ARHGAP18: variants seen among roughly 807,000 people sequenced by gnomAD.
The protein encoded by ARHGAP18 is Rho GTPase activating protein 18.
Under a neutral mutation model 86.2 loss-of-function variants are expected in ARHGAP18, and 67 were observed. The observed-to-expected ratio is 0.78, with a 90% CI of 0.64 to 0.95. ARHGAP18 has a LOEUF of 0.95. Ranked by LOEUF, ARHGAP18 falls within the 40% of genes least tolerant of loss-of-function variation. The pLI is 0.00. For missense variants in ARHGAP18, 691 were observed against 780.4 expected (o/e 0.89, Z 1.37); for synonymous variants, 283 against 280.4 (o/e 1.01, Z -0.09).
intron 1 of ARHGAP18, among the ~76,000 whole-genome samples, chr6:129,690,415 C>T (rs1446741158): frequency 6.6e-6 from 1 of 152,108 alleles, no homozygotes; most frequent in African/African-American, 2.4e-5. Flanking sequence ...TTATTACATA[C>T]AACATATAAC....
In ARHGAP18 at chr6:129,668,568, T is replaced by C. The variant is rs186053012; in HGVS notation, c.114-26550A>G. Among the ~76,000 whole-genome samples the C allele has an allele frequency of 3.6e-3, 541 of 152,280 alleles. 4 individuals are homozygous for C. Among genetic ancestry groups the C allele is most frequent in the African/African-American group, 0.012 (509 of 41,542 alleles). On this transcript the variant is annotated intron_variant, in intron 1 of 14. Coordinates refer to ENST00000368149, the MANE Select transcript of ARHGAP18 (RefSeq NM_033515.3). ...CTCTATGAGCTCTGCCCAGCTTTTC[T>C]CCATTCCTCGTCGGGTTCCTCTCCC... is the stretch of plus-strand genomic sequence containing the variant.
intron 1 of ARHGAP18, among the ~76,000 whole-genome samples, chr6:129,661,256 C>G (rs9492355): frequency 0.051 from 7,045 of 137,486 alleles, 586 homozygotes; most frequent in African/African-American, 0.18. Flanking sequence ...GGGAAGCTGA[C>G]GCAGGAAGAT....
chr6:129,588,271 C>G (rs1210955002), intron 12 of ARHGAP18, among the ~76,000 whole-genome samples: 2 of 152,098 alleles, frequency 1.3e-5, no homozygotes, highest in African/African-American at 4.8e-5. Context: ...GTGTGTGCCA[C>G]CATGCCCAGT....
intron 5 of ARHGAP18, among the ~76,000 whole-genome samples, chr6:129,624,358 G>A (rs1256984566): frequency 4.0e-5 from 6 of 151,394 alleles, no homozygotes; most frequent in African/African-American, 1.2e-4. Flanking sequence ...GTGAAGCCCC[G>A]TCTCTACTAA....
Position 129,638,483 on chromosome 6 carries a change from C to T in ARHGAP18, c.463G>A (p.Val155Ile). ...TTTTTTTTCCTCAAGGTCTGGGAGACCGTCTCTACTCGCTTCTGAACTGCT... is the reference window on the plus strand; with the variant it reads ...TTTTTTTTCCTCAAGGTCTGGGAGATCGTCTCTACTCGCTTCTGAACTGCT... ...AAAVQKRVET[V>I]SQTLRKKNKQ... The change falls in exon 3 of 15, where the codon GTC becomes ATC. Residue 155 changes from valine to isoleucine, a missense_variant. Coordinates refer to ENST00000368149, the MANE Select transcript of ARHGAP18 (RefSeq NM_033515.3). The T allele has an allele frequency of 6.2e-7, 1 of 1,614,028 alleles. No individual in the cohort carries two copies. The highest frequency in any genetic ancestry group is 2.2e-5 in the East Asian group (1 of 44,874).
At chr6:129,653,039 A>G (rs966439958) in intron 1 of ARHGAP18, among the ~76,000 whole-genome samples, 2 of 152,238 alleles carry the variant, frequency 1.3e-5, no homozygotes, top group Non-Finnish European at 2.9e-5. Context: ...CGAAAGCTAC[A>G]TACACACCAT....
chr6:129,653,213 T>A (rs190087672), intron 1 of ARHGAP18, among the ~76,000 whole-genome samples: 22 of 152,164 alleles, frequency 1.4e-4, no homozygotes, highest in African/African-American at 5.3e-4. Context: ...AAACACTGGA[T>A]GAAAATATTA....
chr6:129,662,858 T>G (rs1045069371), intron 1 of ARHGAP18, among the ~76,000 whole-genome samples: 3 of 152,308 alleles, frequency 2.0e-5, no homozygotes, highest in East Asian at 1.9e-4. Flanking sequence ...AATAAGAAAC[T>G]TAAAAGCCTA....
At chr6:129,703,990 G>A (rs1455906925) in intron 1 of ARHGAP18, among the ~76,000 whole-genome samples, 3 of 54,350 alleles carry the variant, frequency 5.5e-5, no homozygotes, top group Non-Finnish European at 8.9e-5. Flanking sequence ...ATATATATAT[G>A]ATCAGGTAAT....
chr6:129,597,884 G>C (rs553305347), intron 12 of ARHGAP18, among the ~76,000 whole-genome samples: 211 of 152,200 alleles, frequency 1.4e-3, no homozygotes, highest in African/African-American at 4.6e-3. Context: ...GCAAACTAAA[G>C]AAGTTAATGC....
At chr6:129,629,289 ATGTGTG>A in intron 5 of ARHGAP18, 58 bp downstream of exon 5, 3 of 1,330,250 alleles carry the variant, frequency 2.3e-6, no homozygotes, top group Non-Finnish European at 2.1e-6. Context: ...GTGTATGTAT[ATGTGTG>A]TGTGTATATA....
chr6:129,665,828 T>C (rs1774025680), intron 1 of ARHGAP18, among the ~76,000 whole-genome samples: 1 of 152,086 alleles, frequency 6.6e-6, no homozygotes, highest in South Asian at 2.1e-4. Flanking sequence ...AGACCAATAA[T>C]GTTACCTCTT....
chr6:129,666,948 T>A (rs967718934), intron 1 of ARHGAP18, among the ~76,000 whole-genome samples: 4 of 152,118 alleles, frequency 2.6e-5, no homozygotes, highest in African/African-American at 9.7e-5. Flanking sequence ...GAAGCATAGA[T>A]TTTTTATACA....
At chr6:129,665,176 C>T (rs1774014654) in intron 1 of ARHGAP18, among the ~76,000 whole-genome samples, 1 of 152,120 alleles carries the variant, frequency 6.6e-6, no homozygotes, top group Admixed American at 6.6e-5. Flanking sequence ...AAACACAATA[C>T]AGCAAAGTAG....
rs953023444 is a variant in ARHGAP18, at chr6:129,619,649, AG to A, written c.787-798del. Among the ~76,000 whole-genome samples the A allele has an allele frequency of 6.1e-5, 6 of 97,838 alleles. No individual in the cohort carries two copies. In the South Asian group the frequency reaches 1.8e-3, roughly 30 times the overall value. 64.2% of individuals were successfully genotyped at this position (97,838 alleles called of 152,430 possible). ...GACGGGAAGGGGATGGGGGAGGGGG[AG>A]GGGGAAACAGAGGAAGATGACATGA... On this transcript the variant is annotated intron_variant, in intron 5 of 14. Transcript: ENST00000368149.
At chr6:129,588,902 G>A (rs1788455957) in intron 12 of ARHGAP18, among the ~76,000 whole-genome samples, 1 of 152,226 alleles carries the variant, frequency 6.6e-6, no homozygotes, top group Non-Finnish European at 1.5e-5. Flanking sequence ...CCAGGCTTGG[G>A]GTTTGCACCC....
intron 1 of ARHGAP18, among the ~76,000 whole-genome samples, chr6:129,673,171 T>A (rs1774169462): frequency 6.6e-6 from 1 of 152,242 alleles, no homozygotes; most frequent in African/African-American, 2.4e-5. Flanking sequence ...CTATTATGCT[T>A]CACAATGTCC....
At chr6:129,665,690 A>C (rs1453003261) in intron 1 of ARHGAP18, among the ~76,000 whole-genome samples, 1 of 152,238 alleles carries the variant, frequency 6.6e-6, no homozygotes, top group Non-Finnish European at 1.5e-5. Flanking sequence ...AGCAGAGCAG[A>C]AGAGGTTAAG....
intron 7 of ARHGAP18, among the ~76,000 whole-genome samples, chr6:129,614,233 C>T (rs748999938): frequency 3.9e-5 from 6 of 152,130 alleles, no homozygotes; most frequent in Non-Finnish European, 8.8e-5. Context: ...AATGAATCTT[C>T]TTGCAAATCA....
Sources: gnomAD v4.1 joint callset for allele counts (sites outside exome capture counted in the v4.1 genomes callset) on GRCh38, gnomAD v4.1.1 for gene constraint, MANE v1.5 for transcripts, NCBI Gene and HGNC (gene_info 2026-07-23, HGNC 2026-07-21) for gene names.